Variants in MAP3K21 observed in about 807,000 individuals in gnomAD.
MAP3K21 encodes the protein mitogen-activated protein kinase kinase kinase MLK4.
A neutral mutation model predicts 86.1 loss-of-function variants in MAP3K21; 63 were observed. The ratio of observed to expected loss-of-function variants is 0.73; its 90% CI spans 0.60 to 0.90. The LOEUF is 0.90. Ranked by LOEUF, MAP3K21 falls within the 40% of genes least tolerant of loss-of-function variation. MAP3K21 has a pLI of 0.00. For synonymous variants in MAP3K21, 558 were observed against 564.8 expected, an observed-to-expected ratio of 0.99 and a Z score of 0.17; for missense variants, 1,220 against 1,367.7, an observed-to-expected ratio of 0.89 and a Z score of 1.70.
At position 233,328,347 on chromosome 1, in the gene MAP3K21, G is replaced by A. The variant is rs931094494; in HGVS notation, c.319G>A (p.Ala107Thr). The A allele has an allele frequency of 1.4e-6, 2 of 1,467,610 alleles. No individual in the cohort carries two copies. Among genetic ancestry groups the A allele is most frequent in the Admixed American group, 2.5e-5 (1 of 39,854 alleles). 90.9% of individuals were successfully genotyped at this position (1,467,610 alleles called of 1,614,324 possible). A position where few individuals can be genotyped will look rare whatever the true frequency, so the allele number is the denominator to read the frequency against. ...VAPCRPAASP[A>T]PPPSRPSSPV... ...TCCCTGCCGCCCGGCCGCCAGCCCC[G>A]CGCCGCCGCCCTCGCGGCCCAGCTC... is the stretch of plus-strand genomic sequence containing the variant. Residue 107 changes from alanine to threonine, a missense_variant, in exon 1 of 10, where the codon GCG becomes ACG. Ala to Thr is a moderately conservative substitution (Grantham distance 58). Coordinates refer to ENST00000366624, the MANE Select transcript of MAP3K21 (RefSeq NM_032435.3). The surrounding 1 kb of genome is among the most constrained non-coding windows in gnomAD (Gnocchi z 8.7).
chr1:233,376,373 C>A, intron 7 of MAP3K21, 57 bp from the exon 8 acceptor site: 1 of 1,246,426 alleles, frequency 8.0e-7, no homozygotes, highest in Non-Finnish European at 1.2e-6. Context: ...TCCACCAAAA[C>A]CTAATTGGTG....
At chr1:233,375,677 G>T (rs935778923) in intron 6 of MAP3K21, 1 of 498,424 alleles carries the variant, frequency 2.0e-6, no homozygotes, top group Non-Finnish European at 3.5e-6. Flanking sequence ...TCAAATCTTT[G>T]CTGCTAATTT....
intron 1 of MAP3K21, among the ~76,000 whole-genome samples, chr1:233,334,947 T>C (rs1177008707): frequency 7.1e-6 from 1 of 141,562 alleles, no homozygotes; most frequent in Admixed American, 7.7e-5. Context: ...ACATTTTCTC[T>C]CTGATTTCTT....
At chr1:233,364,537 G>C (rs540642695) in intron 5 of MAP3K21, among the ~76,000 whole-genome samples, 1 of 152,330 alleles carries the variant, frequency 6.6e-6, no homozygotes, top group East Asian at 1.9e-4. Flanking sequence ...TTCCTCTTCA[G>C]TGGTAAAATG....
At chr1:233,335,050 A>G (rs1662887105) in intron 1 of MAP3K21, among the ~76,000 whole-genome samples, 1 of 151,664 alleles carries the variant, frequency 6.6e-6, no homozygotes, top group African/African-American at 2.4e-5. Context: ...CCAAAATTGG[A>G]AAATATTCTC....
intron 6 of MAP3K21, among the ~76,000 whole-genome samples, chr1:233,374,399 C>A (rs12563555): frequency 0.21 from 31,983 of 152,148 alleles, 4,326 homozygotes; most frequent in East Asian, 0.41. Context: ...TGGTCTTGAA[C>A]TCCTGACCTC....
intron 5 of MAP3K21, among the ~76,000 whole-genome samples, chr1:233,366,636 A>G (rs1199462137): frequency 1.3e-5 from 2 of 152,250 alleles, no homozygotes; most frequent in Non-Finnish European, 1.5e-5. Context: ...TTCCCTATGC[A>G]TAATAAGCTT....
intron 5 of MAP3K21, among the ~76,000 whole-genome samples, chr1:233,371,481 C>A (rs1199994626): frequency 6.6e-6 from 1 of 152,210 alleles, no homozygotes; most frequent in East Asian, 1.9e-4. Flanking sequence ...CTGTCTCAGC[C>A]TTCCGAGTAG....
At position 233,376,431 on chromosome 1, in the gene MAP3K21, A is replaced by G. The variant is rs1163817970; in HGVS notation, c.1828A>G (p.Ile610Val). ...MKDRTDCKER[I>V]RPLSDGNSPW... is the part of the protein sequence containing the mutation. Reference sequence around the variant, plus strand: ...AAAAGAAACATTTTTCTCTTGTAGGATAAGACCTCTCTCCGATGGCAACAG... The same window carrying G: ...AAAAGAAACATTTTTCTCTTGTAGGGTAAGACCTCTCTCCGATGGCAACAG... The change falls in exon 8 of 10, where the codon ATA (isoleucine) becomes GTA (valine). Residue 610 changes from isoleucine (I) to valine (V), a missense_variant and splice_region_variant. By Grantham distance (29) the Ile-to-Val change is conservative. This residue lies in a region of MAP3K21 where 632 missense variants were observed against 691.3 expected (regional missense o/e 0.91). Transcript: ENST00000366624. 6.2e-7 allele frequency: 1 copy of G among 1,607,278 alleles called. No individual in the cohort carries two copies. The highest frequency in any genetic ancestry group is 2.2e-5 in the East Asian group (1 of 44,822).
rs187182433 is a variant in MAP3K21, at chr1:233,369,489, C to G, written c.1553-2549C>G. Reference sequence around the variant, plus strand: ...AGGCTGAGAGCACATGTGGAGGAAACTTGGTTTCTTCCAGGAATTGAAAAA... The same window carrying G: ...AGGCTGAGAGCACATGTGGAGGAAAGTTGGTTTCTTCCAGGAATTGAAAAA... On this transcript the variant is annotated intron_variant, in intron 5 of 9. Transcript: ENST00000366624. Among the ~76,000 whole-genome samples, 7 of 152,212 alleles carry G rather than the reference C, an allele frequency of 4.6e-5. No homozygotes were observed. In the East Asian group the frequency reaches 1.4e-3, roughly 29 times the overall value.
intron 5 of MAP3K21, among the ~76,000 whole-genome samples, chr1:233,368,922 T>G (rs1055035459): frequency 8.4e-6 from 1 of 119,570 alleles, no homozygotes; most frequent in Non-Finnish European, 1.8e-5. Flanking sequence ...AAAGTACTCA[T>G]TCAGCAAAGT....
intron 6 of MAP3K21, among the ~76,000 whole-genome samples, chr1:233,374,965 G>A (rs573399198): frequency 1.3e-4 from 20 of 150,982 alleles, no homozygotes; most frequent in Admixed American, 2.6e-4. Context: ...TTGTTGAAAC[G>A]GAGTCTTGCA....
At chr1:233,348,520 G>T (rs575307109) in intron 2 of MAP3K21, among the ~76,000 whole-genome samples, 2 of 152,268 alleles carry the variant, frequency 1.3e-5, no homozygotes, top group South Asian at 2.1e-4. Context: ...TAGTGAGATT[G>T]CTTGGCCATA....
chr1:233,363,535 C>G (rs544939182), intron 5 of MAP3K21, among the ~76,000 whole-genome samples: 1 of 152,048 alleles, frequency 6.6e-6, no homozygotes, highest in East Asian at 1.9e-4. Flanking sequence ...CCCTCCGTCT[C>G]TATGAAAAAT....
intron 4 of MAP3K21, among the ~76,000 whole-genome samples, chr1:233,358,464 C>A (rs1221761834): frequency 9.6e-6 from 1 of 104,524 alleles, no homozygotes; most frequent in East Asian, 4.2e-4. Context: ...ACAGGAAAGA[C>A]TCTAATTTGT....
rs968833172 is a variant in MAP3K21, at chr1:233,362,210, A to C, written c.1469A>C (p.Lys490Thr). The C allele has an allele frequency of 1.9e-6, 3 of 1,614,266 alleles. No individual in the cohort carries two copies. Among genetic ancestry groups the C allele is most frequent in the Non-Finnish European group, 2.5e-6 (3 of 1,180,048 alleles). Residue 490 changes from lysine (K) to threonine (T), a missense_variant, in exon 5 of 10, where the codon AAG becomes ACG. By Grantham distance (78) the Lys-to-Thr change is moderately conservative (BLOSUM62 -1). This residue lies in a region of MAP3K21 where 632 missense variants were observed against 691.3 expected (regional missense o/e 0.91). Transcript: ENST00000366624. ...NILIFQLNQE[K>T]PKVKKRKGKF... ...CTGATATTCCAGCTAAACCAGGAGAAGCCCAAGGTAAAGAAGAGGAAGGGC... is the reference window on the plus strand; with the variant it reads ...CTGATATTCCAGCTAAACCAGGAGACGCCCAAGGTAAAGAAGAGGAAGGGC...
chr1:233,362,111 A>C lies in MAP3K21; in HGVS notation c.1370A>C (p.Glu457Ala). ...GCGGCTCTGCAGCAGAAGTCTCAGG[A>C]GGAGCTGCTAAAGCGGCGTGAGCAG... is the stretch of plus-strand genomic sequence containing the variant. ...TRAALQQKSQEELLKRREQQL... is the reference protein window; with the variant it reads ...TRAALQQKSQAELLKRREQQL... Residue 457 changes from glutamate (E) to alanine (A), a missense_variant, in exon 5 of 10, where the codon GAG becomes GCG. By Grantham distance (107) the Glu-to-Ala change is moderately radical. Around this residue, in one of 5 missense-constraint regions of MAP3K21, gnomAD observed 126 missense variants for 127.7 expected, o/e 0.99. Coordinates refer to ENST00000366624, the MANE Select transcript of MAP3K21 (RefSeq NM_032435.3). 1 of 1,613,920 alleles carries C rather than the reference A, an allele frequency of 6.2e-7. No individual in the cohort carries two copies. Among genetic ancestry groups the C allele is most frequent in the African/African-American group, 1.3e-5 (1 of 75,070 alleles).
chr1:233,379,579 A>G lies in MAP3K21; in HGVS notation c.2573A>G (p.Asp858Gly), dbSNP rs1373094855. The G allele has an allele frequency of 1.2e-6, 2 of 1,614,128 alleles. No individual in the cohort carries two copies. Among genetic ancestry groups the G allele is most frequent in the Admixed American group, 1.7e-5 (1 of 60,016 alleles). ...EPALMPRLDT[D>G]CSVSRNLPSS... ...GCCCTCATGCCAAGACTTGACACTGATTGTAGTGTATCAAGAAACTTGCCG... is the reference window on the plus strand; with the variant it reads ...GCCCTCATGCCAAGACTTGACACTGGTTGTAGTGTATCAAGAAACTTGCCG... Residue 858 changes from aspartate to glycine, a missense_variant, in exon 9 of 10, where the codon GAT (aspartate) becomes GGT (glycine). By Grantham distance (94) the Asp-to-Gly change is moderately conservative (BLOSUM62 -1). Coordinates refer to ENST00000366624, the MANE Select transcript of MAP3K21 (RefSeq NM_032435.3).
intron 1 of MAP3K21, among the ~76,000 whole-genome samples, chr1:233,335,818 G>A (rs1248599953): frequency 1.3e-5 from 2 of 152,170 alleles, no homozygotes; most frequent in African/African-American, 2.4e-5. Context: ...TCTTAACGTA[G>A]CATTTGTAAT....
Sources: gnomAD v4.1 joint callset for allele counts (sites outside exome capture counted in the v4.1 genomes callset) on GRCh38, gnomAD v4.1.1 for gene constraint, gnomAD v4.1.1 regional missense constraint, Gnocchi (gnomAD v3.1) non-coding constraint, MANE v1.5 for transcripts, NCBI Gene and HGNC (gene_info 2026-07-23, HGNC 2026-07-21) for gene names.